PTPRN2: variants seen among roughly 807,000 people sequenced by gnomAD.
The protein encoded by PTPRN2 is protein tyrosine phosphatase receptor type N2.
In PTPRN2, 74 loss-of-function variants were observed where a neutral mutation model predicts 118.8. The observed-to-expected ratio is 0.62, with a 90% CI of 0.52 to 0.76. PTPRN2 has a LOEUF of 0.76. PTPRN2 is among the 30% of genes least tolerant of loss of function. The probability of loss-of-function intolerance (pLI) is 0.00; values close to 1 mark genes in which losing one functional copy is unlikely to be tolerated. For synonymous variants in PTPRN2, 641 were observed against 608.0 expected, an observed-to-expected ratio of 1.05 and a Z score of -0.80; for missense variants, 1,481 against 1,394.4, an observed-to-expected ratio of 1.06 and a Z score of -0.99.
rs186743861 is a variant in PTPRN2 at position 158,015,912 on chromosome 7, C to T, written c.1723+65386G>A. Among the ~76,000 whole-genome samples the T allele has an allele frequency of 2.4e-3, 371 of 152,256 alleles. 2 individuals are homozygous for T. The highest frequency in any genetic ancestry group is 1.6e-3 in the Non-Finnish European group (112 of 68,028). ...GCTTCCGCTAAGAAAGCCTCAGCCA[C>T]GTCCCTGGGGAAGTTTCATGTCTTT... is the stretch of plus-strand genomic sequence containing the variant. On this transcript the variant is annotated intron_variant, in intron 11 of 22. Coordinates refer to ENST00000389418, the MANE Select transcript of PTPRN2 (RefSeq NM_002847.5). The surrounding 1 kb of genome is among the most constrained non-coding windows in gnomAD (Gnocchi z 4.2).
At chr7:158,200,776 G>C (rs1826584092) in intron 4 of PTPRN2, among the ~76,000 whole-genome samples, 1 of 152,034 alleles carries the variant, frequency 6.6e-6, no homozygotes, top group African/African-American at 2.4e-5. Flanking sequence ...ATATGAAAAA[G>C]TAGAAAAGCC....
intron 10 of PTPRN2, among the ~76,000 whole-genome samples, chr7:158,092,297 G>C (rs941722211): frequency 1.4e-5 from 2 of 144,938 alleles, no homozygotes; most frequent in African/African-American, 2.6e-5. Flanking sequence ...TATATATGTA[G>C]GTGAGTGGGT....
chr7:158,263,438 GCA>G (rs957543461), intron 3 of PTPRN2, among the ~76,000 whole-genome samples: 3 of 147,436 alleles, frequency 2.0e-5, no homozygotes, highest in African/African-American at 5.1e-5. Context: ...ACACACACAG[GCA>G]CACACACACA....
chr7:158,564,012 A>C (rs1377598835), intron 1 of PTPRN2, among the ~76,000 whole-genome samples: 1 of 152,156 alleles, frequency 6.6e-6, no homozygotes, highest in East Asian at 1.9e-4. Context: ...TGATTAAACA[A>C]AATTATACAA....
intron 17 of PTPRN2, among the ~76,000 whole-genome samples, chr7:157,589,920 A>AGGACGGCTTT (rs2150553300): frequency 6.6e-6 from 1 of 152,354 alleles, no homozygotes; most frequent in African/African-American, 2.4e-5. Context: ...CTCTATGCCG[A>AGGACGGCTTT]GGACGGCTTT....
At chr7:158,165,641 A>G (rs186210544) in intron 6 of PTPRN2, among the ~76,000 whole-genome samples, 1 of 152,264 alleles carries the variant, frequency 6.6e-6, no homozygotes, top group African/African-American at 2.4e-5. Context: ...AGGAGCAGAG[A>G]GTGCTCACAT....
rs376680435 is a variant in PTPRN2, at chr7:158,306,417, A to G, written c.277+10402T>C. On this transcript the variant is annotated intron_variant, in intron 3 of 22. Transcript: ENST00000389418. ...TCTGGGCCAGCATGAAGTGAAGGCT[A>G]CAACAGAGCTGTGAACTGCCTGTCT... Among the ~76,000 whole-genome samples the G allele has an allele frequency of 4.6e-5, 7 of 152,312 alleles. 1 individual carries two copies. The South Asian group carries it at 1.5e-3, about 32-fold the overall frequency.
chr7:158,444,315 G>A (rs1048395086), intron 2 of PTPRN2, among the ~76,000 whole-genome samples: 1 of 152,372 alleles, frequency 6.6e-6, no homozygotes, highest in East Asian at 1.9e-4. Flanking sequence ...GCCCCAGCCG[G>A]CCGTGAGCCC....
chr7:158,032,995 A>AT (rs57380452), intron 11 of PTPRN2, among the ~76,000 whole-genome samples: 46,198 of 151,206 alleles, frequency 0.31, 7,547 homozygotes, highest in African/African-American at 0.43. Flanking sequence ...TTACCCAGTA[A>AT]TTTTTTTTTT....
intron 10 of PTPRN2, among the ~76,000 whole-genome samples, chr7:158,108,165 C>A: frequency 6.6e-6 from 1 of 151,806 alleles, no homozygotes; most frequent in Admixed American, 6.6e-5. Flanking sequence ...ACCTGGATGT[C>A]TGCATGAGCC....
chr7:158,180,062 G>T (rs915205151), intron 5 of PTPRN2, among the ~76,000 whole-genome samples: 1 of 152,232 alleles, frequency 6.6e-6, no homozygotes, highest in Admixed American at 6.5e-5. Context: ...TTTCAATAAG[G>T]TTGCTTTCTT....
In PTPRN2 at chr7:157,986,052, A is replaced by G. The variant is rs1033467916; in HGVS notation, c.1724-87315T>C. Among the ~76,000 whole-genome samples, 1 of 152,190 alleles carries G rather than the reference A, an allele frequency of 6.6e-6. No individual in the cohort carries two copies. The highest frequency in any genetic ancestry group is 6.5e-5 in the Admixed American group (1 of 15,286). ...TGACAAGAGAAAGGCCAGAACACAA[A>G]CACACTTCCTGCTTCCAGATGGATG... On this transcript the variant is annotated intron_variant, in intron 11 of 22. Transcript: ENST00000389418. The surrounding 1 kb of genome is among the most constrained non-coding windows in gnomAD (Gnocchi z 4.5).
chr7:158,282,120 C>G (rs1359375609), intron 3 of PTPRN2, among the ~76,000 whole-genome samples: 1 of 151,860 alleles, frequency 6.6e-6, no homozygotes, highest in Admixed American at 6.6e-5. Context: ...TCAAACTGAG[C>G]CTGTGTTAAC....
intron 2 of PTPRN2, among the ~76,000 whole-genome samples, chr7:158,441,050 GGTAGTGATGGGGGT>G (rs1817043640): frequency 4.0e-5 from 2 of 49,442 alleles, no homozygotes; most frequent in East Asian, 1.4e-3. Context: ...TAGTGATGGT[GGTAGTGATGGGGGT>G]GGTAGTGATG....
intron 11 of PTPRN2, among the ~76,000 whole-genome samples, chr7:157,999,035 C>G (rs539359009): frequency 2.2e-3 from 334 of 151,994 alleles, no homozygotes; most frequent in African/African-American, 7.7e-3. Context: ...GTCCCGGGTC[C>G]GATCCTGGCT....
At chr7:158,575,908 G>A (rs964069826) in intron 1 of PTPRN2, among the ~76,000 whole-genome samples, 1 of 152,044 alleles carries the variant, frequency 6.6e-6, no homozygotes, top group African/African-American at 2.4e-5. Flanking sequence ...TTGTTTTATA[G>A]AAAACTAAAC....
chr7:157,615,761 C>CG lies in PTPRN2; in HGVS notation c.2344+5600dup, dbSNP rs1802731833. 3 of 378,616 alleles carry CG rather than the reference C, an allele frequency of 7.9e-6. No individual in the cohort carries two copies. In the Admixed American group the frequency reaches 9.1e-5, roughly 11 times the overall value. 23.5% of individuals were successfully genotyped at this position (378,616 alleles called of 1,614,324 possible). ...CAAGCTCTGGAGGCTGAACGAGAAT[C>CG]GGTTACAGGAGATGAACACAAGGCT... On this transcript the variant is annotated intron_variant, in intron 15 of 22. Coordinates refer to ENST00000389418, the MANE Select transcript of PTPRN2 (RefSeq NM_002847.5). This position sits in a 1 kb window ranked among gnomAD's most constrained non-coding sequence, Gnocchi z 4.3.
At chr7:158,055,960 C>T (rs1809752607) in intron 11 of PTPRN2, among the ~76,000 whole-genome samples, 3 of 152,204 alleles carry the variant, frequency 2.0e-5, no homozygotes, top group Admixed American at 2.0e-4. Context: ...CTGGACCCTA[C>T]ACAGAGCGAC....
intron 11 of PTPRN2, chr7:158,027,801 T>C (rs955953710): frequency 2.6e-5 from 4 of 152,130 alleles, no homozygotes; most frequent in African/African-American, 9.7e-5. Context: ...GAAAGTAAGA[T>C]GACTGGGATG....
Sources: gnomAD v4.1 joint callset for allele counts (sites outside exome capture counted in the v4.1 genomes callset) on GRCh38, gnomAD v4.1.1 for gene constraint, Gnocchi (gnomAD v3.1) non-coding constraint, MANE v1.5 for transcripts, NCBI Gene and HGNC (gene_info 2026-07-23, HGNC 2026-07-21) for gene names.